The following SARDH variants were observed in gnomAD, a reference collection of about 807,000 sequenced individuals.
The protein encoded by SARDH is sarcosine dehydrogenase.
A neutral mutation model predicts 109.1 loss-of-function variants in SARDH; 95 were observed. The observed-to-expected ratio is 0.87, with a 90% CI of 0.74 to 1.03. The LOEUF (loss-of-function observed/expected upper bound fraction) is 1.03, where lower values mean the gene tolerates loss of function less well. Ranked by LOEUF, SARDH falls within the 50% of genes least tolerant of loss-of-function variation. The pLI is 0.00. For missense variants in SARDH, 1,267 were observed against 1,287.8 expected, an observed-to-expected ratio of 0.98 and a Z score of 0.25; for synonymous variants, 572 against 534.8, an observed-to-expected ratio of 1.07 and a Z score of -0.96.
At chr9:133,734,258 G>GCTGGGGACACGCTGGGGGCTGTT in intron 1 of SARDH, 55 bp from the exon 2 acceptor site, 4 of 1,259,576 alleles carry the variant, frequency 3.2e-6, no homozygotes, top group Non-Finnish European at 4.2e-6. Context: ...TGGGGGCTGT[G>GCTGGGGACACGCTGGGGGCTGTT]CTGAGTACCC....
chr9:133,674,740 G>A (rs1449084413), intron 17 of SARDH, among the ~76,000 whole-genome samples: 1 of 152,158 alleles, frequency 6.6e-6, no homozygotes, highest in African/African-American at 2.4e-5. Flanking sequence ...AAATTAACTA[G>A]ACATGGAACA....
rs750903706 is a variant in SARDH, at chr9:133,729,862, A to G, written c.818T>C (p.Val273Ala). 2 of 1,611,196 alleles carry G rather than the reference A, an allele frequency of 1.2e-6. No homozygotes were observed. Among genetic ancestry groups the G allele is most frequent in the South Asian group, 2.2e-5 (2 of 91,048 alleles). ...QTPCVVNCAG[V>A]WASAVGRMAG... ...CATCCGGCCCACAGCACTTGCCCAC[A>G]CTCCTGCGGGCAGAGCACAGACAGC... The change falls in exon 6 of 21, where the codon GTG becomes GCG. Residue 273 changes from valine to alanine, a missense_variant. Val to Ala is a moderately conservative substitution (Grantham distance 64). Transcript: ENST00000439388.
Position 133,705,901 on chromosome 9 carries a change from C to T in SARDH, c.1471-870G>A, listed in dbSNP as rs566234922. 1.4e-4 allele frequency among the ~76,000 whole-genome samples: 22 copies of T among 152,286 alleles called. 1 individual carries two copies. Among genetic ancestry groups the T allele is most frequent in the Non-Finnish European group, 2.6e-4 (18 of 68,022 alleles). On this transcript the variant is annotated intron_variant, in intron 11 of 20. Coordinates refer to ENST00000439388, the MANE Select transcript of SARDH (RefSeq NM_001134707.2). ...GGAAGCGACGCCAGGGCCCTCTCCC[C>T]GCTGCATGAGGACAGTGAGAAGGTG...
chr9:133,662,823 C>T (rs1163766337), downstream of SARDH, among the ~76,000 whole-genome samples: 3 of 152,312 alleles, frequency 2.0e-5, no homozygotes, highest in African/African-American at 4.8e-5. This position sits in a 1 kb window ranked among gnomAD's most constrained non-coding sequence, Gnocchi z 5.1. Context: ...TGCGCAGTGC[C>T]GCTCTGACGG....
intron 1 of SARDH, among the ~76,000 whole-genome samples, chr9:133,736,517 T>C (rs1832891669): frequency 6.6e-6 from 1 of 152,180 alleles, no homozygotes; most frequent in Non-Finnish European, 1.5e-5. Context: ...CACCTCAGCC[T>C]CTCGAGTAGC....
chr9:133,677,556 CCT>C (rs1830560097), intron 17 of SARDH, among the ~76,000 whole-genome samples: 1 of 152,160 alleles, frequency 6.6e-6, no homozygotes, highest in South Asian at 2.1e-4. Context: ...CTACAGGGGA[CCT>C]CTCCACCCAT....
chr9:133,703,051 C>G, intron 12 of SARDH, 22 bp from the exon 13 acceptor site: 1 of 1,594,358 alleles, frequency 6.3e-7, no homozygotes. Flanking sequence ...AGACGTGGTC[C>G]TCAGCCTGCC....
chr9:133,732,334 A>G, intron 3 of SARDH, 89 bp downstream of exon 3: 1 of 281,978 alleles, frequency 3.5e-6, no homozygotes. Context: ...CTACCCCCCC[A>G]CAGGGGGTGC....
chr9:133,690,252 G>T, intron 16 of SARDH, 128 bp downstream of exon 16: 1 of 1,015,880 alleles, frequency 9.8e-7, no homozygotes, highest in East Asian at 2.5e-5. Context: ...TGGCATCTCT[G>T]GTTTACCAGA....
At chr9:133,677,326 G>C (rs1199877687) in intron 17 of SARDH, among the ~76,000 whole-genome samples, 2 of 152,190 alleles carry the variant, frequency 1.3e-5, no homozygotes, top group Non-Finnish European at 2.9e-5. Context: ...CTCAGACCCA[G>C]ACAGAGCTTA....
At chr9:133,677,252 T>C (rs1339570174) in intron 17 of SARDH, among the ~76,000 whole-genome samples, 1 of 151,972 alleles carries the variant, frequency 6.6e-6, no homozygotes, top group African/African-American at 2.4e-5. Context: ...GCTTCGAACA[T>C]AACTGTCAGC....
At chr9:133,711,825 C>G (rs1355992077) in intron 10 of SARDH, among the ~76,000 whole-genome samples, 1 of 152,190 alleles carries the variant, frequency 6.6e-6, no homozygotes, top group African/African-American at 2.4e-5. Flanking sequence ...GCCTCGACAG[C>G]CACCCCACAA....
At chr9:133,706,037 T>G (rs1831684456) in intron 11 of SARDH, among the ~76,000 whole-genome samples, 1 of 152,188 alleles carries the variant, frequency 6.6e-6, no homozygotes, top group Non-Finnish European at 1.5e-5. Flanking sequence ...CTGAAACCTC[T>G]CCACTTGTGG....
At chr9:133,731,793 T>C (rs556070955) in intron 3 of SARDH, among the ~76,000 whole-genome samples, 2 of 152,172 alleles carry the variant, frequency 1.3e-5, no homozygotes, top group Non-Finnish European at 2.9e-5. Context: ...GTGTATGTCA[T>C]TGACAAAGAA....
intron 13 of SARDH, among the ~76,000 whole-genome samples, chr9:133,701,704 C>A (rs1831493933): frequency 6.6e-6 from 1 of 152,204 alleles, no homozygotes; most frequent in South Asian, 2.1e-4. Context: ...GGGCACTGAG[C>A]CGGCCCTGCT....
At chr9:133,689,589 G>A (rs1831018899) in intron 16 of SARDH, among the ~76,000 whole-genome samples, 1 of 152,184 alleles carries the variant, frequency 6.6e-6, no homozygotes, top group South Asian at 2.1e-4. Context: ...CAACCTCTCT[G>A]TTTCTCAGTT....
Position 133,712,977 on chromosome 9 carries a change from G to A in SARDH, c.1237+61C>T, listed in dbSNP as rs1459989127. On this transcript the variant is annotated intron_variant, in intron 9 of 20. Coordinates refer to ENST00000439388, the MANE Select transcript of SARDH (RefSeq NM_001134707.2). The surrounding 1 kb of genome is among the most constrained non-coding windows in gnomAD (Gnocchi z 4.1). ...GGTGCTCCTGCGCCCGCCTCCCCCA[G>A]AGCTCTGGGAATGACAGGACCTCCC... is the stretch of plus-strand genomic sequence containing the variant. 1 of 1,514,322 alleles carries A rather than the reference G, an allele frequency of 6.6e-7. No homozygotes were observed. 93.8% of individuals were successfully genotyped at this position (1,514,322 alleles called of 1,614,324 possible). A position where few individuals can be genotyped will look rare whatever the true frequency, so the allele number is the denominator to read the frequency against.
At position 133,690,532 on chromosome 9, in the gene SARDH, AAG is replaced by A. The variant is rs1232540352; in HGVS notation, c.1922-7_1922-6del. 3 of 1,594,202 alleles carry A rather than the reference AAG, an allele frequency of 1.9e-6. No individual in the cohort carries two copies. Among genetic ancestry groups the A allele is most frequent in the Non-Finnish European group, 2.6e-6 (3 of 1,172,532 alleles). On this transcript the variant is annotated splice_polypyrimidine_tract_variant and splice_region_variant and intron_variant, in intron 15 of 20. Transcript: ENST00000439388. The stretch of plus-strand genomic sequence containing the variant: ...TGGCCAGGTAGTAACCGTCCCCTGG[AAG>A]AGAGGCACCTGGACTTAGAGCAGGA...
chr9:133,687,023 C>T (rs1830909790), intron 16 of SARDH, among the ~76,000 whole-genome samples: 1 of 152,216 alleles, frequency 6.6e-6, no homozygotes, highest in Non-Finnish European at 1.5e-5. Flanking sequence ...TCAGCAACCT[C>T]AGGGGAAGCC....
Sources: gnomAD v4.1 joint callset for allele counts (sites outside exome capture counted in the v4.1 genomes callset) on GRCh38, gnomAD v4.1.1 for gene constraint, Gnocchi (gnomAD v3.1) non-coding constraint, MANE v1.5 for transcripts, NCBI Gene and HGNC (gene_info 2026-07-23, HGNC 2026-07-21) for gene names.